The following CALN1 variants were observed in gnomAD, a reference collection of about 807,000 sequenced individuals.
CALN1 encodes the protein calcium-binding protein 8.
In CALN1, 17 loss-of-function variants were observed where a neutral mutation model predicts 30.6. The observed-to-expected ratio is 0.56, with a 90% confidence interval of 0.38 to 0.83. CALN1 has a LOEUF of 0.83. CALN1 is among the 40% of genes least tolerant of loss of function. The pLI is 0.00. For synonymous variants in CALN1, 156 were observed against 131.4 expected (o/e 1.19, Z -1.28); for missense variants, 291 against 354.9 (o/e 0.82, Z 1.45).
intron 4 of CALN1, among the ~76,000 whole-genome samples, chr7:72,067,900 C>T (rs187396068): frequency 2.0e-5 from 3 of 152,334 alleles, no homozygotes; most frequent in South Asian, 2.1e-4. Flanking sequence ...TGATTCTACA[C>T]GGCCTTGCAA....
intron 5 of CALN1, among the ~76,000 whole-genome samples, chr7:71,877,483 A>G (rs1225115340): frequency 6.6e-6 from 1 of 152,186 alleles, no homozygotes; most frequent in Non-Finnish European, 1.5e-5. Flanking sequence ...GTGGCTACAT[A>G]TAAGATAAAT....
chr7:71,878,522 A>G (rs2116793631), intron 5 of CALN1, among the ~76,000 whole-genome samples: 1 of 152,340 alleles, frequency 6.6e-6, no homozygotes, highest in African/African-American at 2.4e-5. Flanking sequence ...AAGAGGGAAC[A>G]TCAGACCAGA....
chr7:72,283,348 G>C (rs1165936887), intron 2 of CALN1, among the ~76,000 whole-genome samples: 1 of 152,106 alleles, frequency 6.6e-6, no homozygotes, highest in Non-Finnish European at 1.5e-5. Flanking sequence ...AACAGAGCAA[G>C]ACCCTGTCTC....
rs1800862663 is a variant in CALN1, at chr7:72,023,677, T to C, written c.481A>G (p.Ile161Val). 1 of 1,613,892 alleles carries C rather than the reference T, an allele frequency of 6.2e-7. No homozygotes were observed. The highest frequency in any genetic ancestry group is 1.3e-5 in the African/African-American group (1 of 74,920). ...CTCACCTGCCAGAATATGCTGTCTA[T>C]CGTGTTCCCAAGAAAACCATCGCGA... ...EGRDGFLGNT[I>V]DSIFWQFDMQ... Residue 161 changes from isoleucine to valine, a missense_variant, in exon 5 of 7, where the codon ATA (isoleucine) becomes GTA (valine). Physicochemically the swap from Ile to Val is conservative, Grantham distance 29. Coordinates refer to ENST00000395275, the MANE Select transcript of CALN1 (RefSeq NM_031468.4).
upstream of CALN1, among the ~76,000 whole-genome samples, chr7:72,414,846 T>A (rs1474425355): frequency 6.6e-6 from 1 of 152,204 alleles, no homozygotes; most frequent in Non-Finnish European, 1.5e-5. Flanking sequence ...ATTCCACATA[T>A]GCTATGGAGT....
chr7:72,167,196 C>T (rs185632791), intron 3 of CALN1, among the ~76,000 whole-genome samples: 3 of 152,032 alleles, frequency 2.0e-5, no homozygotes, highest in African/African-American at 7.2e-5. Context: ...AGATGGAAAC[C>T]CTTGCACCAT....
chr7:72,377,184 G>T (rs1309649222), intron 2 of CALN1, among the ~76,000 whole-genome samples: 1 of 152,144 alleles, frequency 6.6e-6, no homozygotes, highest in Non-Finnish European at 1.5e-5. Context: ...ATTTCCATAT[G>T]AATATTAAGA....
intron 2 of CALN1, among the ~76,000 whole-genome samples, chr7:72,357,859 T>G (rs1306482050): frequency 6.7e-6 from 1 of 148,290 alleles, no homozygotes; most frequent in East Asian, 1.9e-4. Context: ...TATATTTATA[T>G]ATATGTGTGT....
In CALN1 at chr7:71,810,318, G is replaced by A. The variant is rs761891984; in HGVS notation, c.658+18C>T. The A allele has an allele frequency of 2.4e-5, 38 of 1,611,914 alleles. No homozygotes were observed. The South Asian group carries it at 3.9e-4, about 16-fold the overall frequency. ...GCCTGTCCCGGACCGGGGAGGGGAT[G>A]GCAGCAGGGGCACCTACCTCCTTCA... is the stretch of plus-strand genomic sequence containing the variant. On this transcript the variant is annotated intron_variant, in intron 6 of 6. Coordinates refer to ENST00000395275, the MANE Select transcript of CALN1 (RefSeq NM_031468.4).
intron 4 of CALN1, among the ~76,000 whole-genome samples, chr7:72,087,530 C>T (rs73124374): frequency 0.21 from 31,793 of 151,978 alleles, 3,631 homozygotes; most frequent in Admixed American, 0.28. Context: ...TTTATGTCCT[C>T]GACAACTAAC....
chr7:72,079,937 A>G (rs1805017303), intron 4 of CALN1, among the ~76,000 whole-genome samples: 1 of 151,626 alleles, frequency 6.6e-6, no homozygotes, highest in East Asian at 1.9e-4. Context: ...TGCCCAGCTA[A>G]TTTTTGTATT....
the CALN1 span, among the ~76,000 whole-genome samples, chr7:72,454,490 T>G: frequency 1.3e-5 from 2 of 152,184 alleles, no homozygotes; most frequent in African/African-American, 2.4e-5. Flanking sequence ...GCAATGAACT[T>G]TCTGACCACA....
At chr7:71,844,158 G>A (rs1790103977) in intron 5 of CALN1, among the ~76,000 whole-genome samples, 2 of 152,096 alleles carry the variant, frequency 1.3e-5, no homozygotes, top group Admixed American at 6.6e-5. Flanking sequence ...ATTGTCATAG[G>A]GTGGCAAAGC....
intron 3 of CALN1, among the ~76,000 whole-genome samples, chr7:72,220,419 C>G (rs1361448638): frequency 1.3e-5 from 2 of 151,818 alleles, no homozygotes; most frequent in Non-Finnish European, 2.9e-5. Flanking sequence ...ATATGTGCCA[C>G]ATTTTCTTAA....
intron 4 of CALN1, among the ~76,000 whole-genome samples, chr7:72,032,075 T>C (rs1450313622): frequency 8.8e-6 from 1 of 113,370 alleles, no homozygotes; most frequent in African/African-American, 4.9e-5. Context: ...TTTTTTTTTT[T>C]TGAGACAGAG....
chr7:71,949,824 C>T (rs1043136133), intron 5 of CALN1, among the ~76,000 whole-genome samples: 7 of 151,590 alleles, frequency 4.6e-5, no homozygotes, highest in South Asian at 2.1e-4. Flanking sequence ...TGCAGTGGCA[C>T]GATCTTGGCT....
At chr7:72,294,086 T>C (rs532667670) in intron 2 of CALN1, among the ~76,000 whole-genome samples, 49 of 151,828 alleles carry the variant, frequency 3.2e-4, no homozygotes, top group Non-Finnish European at 6.0e-4. Context: ...CGACAGAGCA[T>C]ATCCACAAAA....
At chr7:72,036,576 C>T (rs1282984461) in intron 4 of CALN1, among the ~76,000 whole-genome samples, 1 of 152,136 alleles carries the variant, frequency 6.6e-6, no homozygotes, top group African/African-American at 2.4e-5. Context: ...GTCCTATCTT[C>T]AAGTTTACTG....
chr7:71,945,785 T>G (rs1230826426), intron 5 of CALN1, among the ~76,000 whole-genome samples: 1 of 152,230 alleles, frequency 6.6e-6, no homozygotes, highest in African/African-American at 2.4e-5. Flanking sequence ...GTGTAATTAT[T>G]TCATTATATA....
Sources: allele counts gnomAD v4.1 joint callset (sites outside exome capture counted in the v4.1 genomes callset), GRCh38; gene constraint gnomAD v4.1.1; transcripts MANE v1.5; gene names NCBI Gene and HGNC (gene_info 2026-07-23, HGNC 2026-07-21).